DCC: variants seen among roughly 807,000 people sequenced by gnomAD.
The protein encoded by DCC is netrin receptor DCC.
In DCC, 58 loss-of-function variants were observed where a neutral mutation model predicts 172.5. The ratio of observed to expected loss-of-function variants is 0.34; its 90% CI spans 0.27 to 0.42. The LOEUF is 0.42. DCC is among the 10% of genes least tolerant of loss of function. The pLI is 1.00. For synonymous variants in DCC, 709 were observed against 644.5 expected, an observed-to-expected ratio of 1.10 and a Z score of -1.52; for missense variants, 1,740 against 1,791.0, an observed-to-expected ratio of 0.97 and a Z score of 0.51.
chr18:53,301,000 T>TTTCTTTCTTTCTTTCTTTC (rs1413588962), intron 12 of DCC, among the ~76,000 whole-genome samples: 10 of 102,986 alleles, frequency 9.7e-5, no homozygotes, highest in Admixed American at 3.2e-4. Flanking sequence ...TTTTTTTTTC[T>TTTCTTTCTTTCTTTCTTTC]TTTCTTTCTT....
intron 9 of DCC, among the ~76,000 whole-genome samples, chr18:53,204,999 G>T (rs1237549348): frequency 6.6e-6 from 1 of 151,980 alleles, no homozygotes; most frequent in Non-Finnish European, 1.5e-5. Flanking sequence ...AATAAAATAG[G>T]CAATTTTGGT....
intron 1 of DCC, among the ~76,000 whole-genome samples, chr18:52,405,219 A>G (rs1986596725): frequency 6.7e-6 from 1 of 149,928 alleles, no homozygotes; most frequent in African/African-American, 2.4e-5. Flanking sequence ...CTAGTTCTAG[A>G]TCCCTGAGGA....
intron 5 of DCC, among the ~76,000 whole-genome samples, chr18:52,974,142 G>T (rs1356415054): frequency 6.6e-6 from 1 of 152,130 alleles, no homozygotes; most frequent in African/African-American, 2.4e-5. Context: ...GATAAAGCAA[G>T]AAATGTAGAT....
chr18:53,274,421 A>T (rs1267404529), intron 12 of DCC, among the ~76,000 whole-genome samples: 1 of 152,140 alleles, frequency 6.6e-6, no homozygotes. Context: ...CAGGGTTTTT[A>T]TGTAAATATT....
chr18:53,102,567 G>T (rs116251586), intron 7 of DCC, among the ~76,000 whole-genome samples: 2,326 of 152,120 alleles, frequency 0.015, 64 homozygotes, highest in African/African-American at 0.053. Context: ...AGTGAGCATT[G>T]CTCCCTCAGA....
intron 2 of DCC, among the ~76,000 whole-genome samples, chr18:52,835,596 C>T (rs1344885198): frequency 6.6e-6 from 1 of 152,180 alleles, no homozygotes; most frequent in Non-Finnish European, 1.5e-5. Flanking sequence ...AAATTTACAG[C>T]TTCAAAGAAT....
At chr18:52,422,173 GA>G (rs1987271727) in intron 1 of DCC, among the ~76,000 whole-genome samples, 1 of 152,122 alleles carries the variant, frequency 6.6e-6, no homozygotes, top group Admixed American at 6.6e-5. Context: ...GTGAATGCGT[GA>G]ATAAATGAAT....
rs141800588 is a variant in DCC, at chr18:52,971,222, A to C, written c.985+45852A>C. On this transcript the variant is annotated intron_variant, in intron 5 of 28. Coordinates refer to ENST00000442544, the MANE Select transcript of DCC (RefSeq NM_005215.4). ...TGAATTTTCCCAGAATTCCCTGTGC[A>C]GGAGCTTTCAAATTCTGATTGATTA... 1.6e-3 allele frequency among the ~76,000 whole-genome samples: 250 copies of C among 152,254 alleles called. 1 individual carries two copies. The highest frequency in any genetic ancestry group is 5.9e-3 in the African/African-American group (245 of 41,566).
chr18:52,480,052 C>T (rs190127863), intron 1 of DCC, among the ~76,000 whole-genome samples: 13 of 152,030 alleles, frequency 8.6e-5, no homozygotes, highest in African/African-American at 3.1e-4. Flanking sequence ...ATTATTAACC[C>T]CTAAGACTCA....
intron 1 of DCC, among the ~76,000 whole-genome samples, chr18:52,608,535 GT>G (rs1383527150): frequency 5.9e-5 from 9 of 152,192 alleles, no homozygotes; most frequent in African/African-American, 1.9e-4. Flanking sequence ...TATGGTGTGA[GT>G]AAAGATATAG....
At chr18:52,637,426 G>A (rs1199183635) in intron 1 of DCC, among the ~76,000 whole-genome samples, 1 of 152,028 alleles carries the variant, frequency 6.6e-6, no homozygotes, top group African/African-American at 2.4e-5. Context: ...GATACCAGAA[G>A]TGAAGGGAGA....
At chr18:52,532,672 T>C (rs1416704062) in intron 1 of DCC, among the ~76,000 whole-genome samples, 4 of 152,120 alleles carry the variant, frequency 2.6e-5, no homozygotes, top group Non-Finnish European at 5.9e-5. Flanking sequence ...ACAAATTTAT[T>C]GTCCATAGGG....
chr18:53,278,768 A>G (rs913585296), intron 12 of DCC, among the ~76,000 whole-genome samples: 10 of 152,104 alleles, frequency 6.6e-5, no homozygotes, highest in Non-Finnish European at 1.5e-4. Flanking sequence ...CTTTACATCC[A>G]TTGTCTCATT....
At chr18:52,348,612 G>C (rs1372926061) in intron 1 of DCC, among the ~76,000 whole-genome samples, 1 of 152,096 alleles carries the variant, frequency 6.6e-6, no homozygotes, top group Non-Finnish European at 1.5e-5. Flanking sequence ...CTATGATTCT[G>C]TTTCTTCAAC....
At chr18:53,066,189 T>G (rs762074785) in intron 7 of DCC, 23 bp downstream of exon 7, 8 of 1,609,572 alleles carry the variant, frequency 5.0e-6, no homozygotes, top group Admixed American at 3.3e-5. Context: ...GAACCTTGCT[T>G]TGGTACCTGG....
intron 1 of DCC, among the ~76,000 whole-genome samples, chr18:52,620,711 C>T (rs2034462370): frequency 6.6e-6 from 1 of 152,114 alleles, no homozygotes; most frequent in Admixed American, 6.6e-5. Flanking sequence ...GCAGTTTTCC[C>T]TCTGTCTTAA....
chr18:53,314,006 A>T (rs1489026474), intron 13 of DCC, among the ~76,000 whole-genome samples: 1 of 152,246 alleles, frequency 6.6e-6, no homozygotes. Context: ...CACTACATCT[A>T]TGAAACGCTT....
rs1279331834 is a variant in DCC, at chr18:53,339,772, A to G, written c.2224A>G (p.Ile742Val). The change falls in exon 15 of 29, where the codon ATC becomes GTC. Residue 742 changes from isoleucine to valine, a missense_variant. Coordinates refer to ENST00000442544, the MANE Select transcript of DCC (RefSeq NM_005215.4). ...LHVRPQTNCI[I>V]MSWTPPLNPN... ...TGTGAGGCCCCAGACTAACTGCATC[A>G]TCATGAGTTGGACTCCTCCCTTGAA... The G allele has an allele frequency of 1.2e-6, 2 of 1,613,994 alleles. No homozygotes were observed. Among genetic ancestry groups the G allele is most frequent in the Non-Finnish European group, 1.7e-6 (2 of 1,179,950 alleles).
At chr18:53,476,619 T>A (rs1320819996) in intron 25 of DCC, among the ~76,000 whole-genome samples, 2 of 152,212 alleles carry the variant, frequency 1.3e-5, no homozygotes, top group Non-Finnish European at 2.9e-5. Flanking sequence ...TTATTTATTT[T>A]TTTTGTAAAT....
Sources: gnomAD v4.1 joint callset for allele counts (sites outside exome capture counted in the v4.1 genomes callset) on GRCh38, gnomAD v4.1.1 for gene constraint, MANE v1.5 for transcripts, NCBI Gene and HGNC (gene_info 2026-07-23, HGNC 2026-07-21) for gene names.